LY9: variants seen among roughly 807,000 people sequenced by gnomAD.
LY9 encodes the protein lymphocyte antigen 9.
LY9 carries 59 observed loss-of-function variants against 64.6 expected under a neutral mutation model. The ratio of observed to expected loss-of-function variants is 0.91; its 90% CI spans 0.74 to 1.13. The LOEUF (loss-of-function observed/expected upper bound fraction) is 1.13. Among genes scored for constraint, LY9 ranks in the 50% most tolerant of loss-of-function variants. The pLI is 0.00. For missense variants in LY9, 789 were observed against 797.2 expected (o/e 0.99, Z 0.12); for synonymous variants, 281 against 308.5 (o/e 0.91, Z 0.93).
chr1:160,824,674 T>C, intron 9 of LY9: 1 of 981,634 alleles, frequency 1.0e-6, no homozygotes, highest in Non-Finnish European at 1.2e-6. Context: ...ACATTAGTTT[T>C]ATTCTAGTGT....
chr1:160,797,266 G>A, intron 1 of LY9: 3 of 985,588 alleles, frequency 3.0e-6, no homozygotes, highest in Non-Finnish European at 3.6e-6. Context: ...CTTCAGGGAT[G>A]ATGGTGCAGG....
intron 9 of LY9, chr1:160,824,551 T>C: frequency 1.0e-6 from 1 of 985,100 alleles, no homozygotes; most frequent in Non-Finnish European, 1.2e-6. Flanking sequence ...GCTTTTTAAA[T>C]CTATCTCTAA....
intron 1 of LY9, 118 bp downstream of exon 1, chr1:160,796,429 T>C: frequency 7.9e-7 from 1 of 1,265,686 alleles, no homozygotes; most frequent in Non-Finnish European, 1.1e-6. Flanking sequence ...AGTCTCACTC[T>C]GTTGCCAGGC....
intron 3 of LY9, 21 bp from the exon 4 acceptor site, chr1:160,814,399 A>T (rs757512624): frequency 1.3e-6 from 2 of 1,563,300 alleles, no homozygotes; most frequent in Admixed American, 3.5e-5. Context: ...TGAAGCTGCA[A>T]TGTCTCATCT....
intron 2 of LY9, chr1:160,802,586 C>A (rs1415411858): frequency 2.0e-6 from 2 of 985,460 alleles, no homozygotes; most frequent in Non-Finnish European, 2.4e-6. Context: ...TTTAAATTTA[C>A]TGTAGCTGCC....
intron 2 of LY9, among the ~76,000 whole-genome samples, chr1:160,808,989 T>A (rs1667229619): frequency 1.3e-5 from 2 of 152,150 alleles, no homozygotes; most frequent in South Asian, 2.1e-4. Flanking sequence ...TCGCCATAAT[T>A]CATGTAACGG....
chr1:160,822,099 G>A (rs911109952), intron 7 of LY9, among the ~76,000 whole-genome samples: 2 of 152,162 alleles, frequency 1.3e-5, no homozygotes, highest in African/African-American at 4.8e-5. Context: ...GGGCTATGTT[G>A]TCTGAGATAT....
intron 2 of LY9, among the ~76,000 whole-genome samples, chr1:160,805,913 C>G (rs1005139778): frequency 1.4e-5 from 1 of 73,896 alleles, no homozygotes; most frequent in Admixed American, 1.2e-4. Context: ...TAATGGCATT[C>G]TTTGTCTTTT....
intron 1 of LY9, among the ~76,000 whole-genome samples, chr1:160,796,598 G>A (rs1303376752): frequency 6.6e-6 from 1 of 152,004 alleles, no homozygotes; most frequent in East Asian, 1.9e-4. Flanking sequence ...TCACTATGTT[G>A]GCCACGGTGG....
At chr1:160,826,762 T>C (rs1240439147) in intron 9 of LY9, among the ~76,000 whole-genome samples, 1 of 152,236 alleles carries the variant, frequency 6.6e-6, no homozygotes, top group Non-Finnish European at 1.5e-5. Flanking sequence ...CATCTCATCC[T>C]GACTTCTAGA....
intron 2 of LY9, 39 bp downstream of exon 2, chr1:160,800,121 T>C (rs2101737411): frequency 6.5e-7 from 1 of 1,531,074 alleles, no homozygotes; most frequent in African/African-American, 1.4e-5. Context: ...ATCTTTTCTT[T>C]TTTTTATTTG....
At position 160,817,637 on chromosome 1, in the gene LY9, C is replaced by T. The variant is rs79880726; in HGVS notation, c.1343-581C>T. Among the ~76,000 whole-genome samples the T allele has an allele frequency of 1.3e-3, 196 of 152,330 alleles. 1 individual carries two copies. Among genetic ancestry groups the T allele is most frequent in the African/African-American group, 4.5e-3 (189 of 41,568 alleles). The stretch of plus-strand genomic sequence containing the variant: ...AGGCATTTTTGCACAATCTTCGCAA[C>T]AATCCTACAGAGTAGATATTCTCGT... On this transcript the variant is annotated intron_variant, in intron 5 of 9. Coordinates refer to ENST00000263285, the MANE Select transcript of LY9 (RefSeq NM_002348.4).
intron 5 of LY9, 75 bp downstream of exon 5, chr1:160,816,938 T>C: frequency 6.8e-7 from 1 of 1,479,708 alleles, no homozygotes; most frequent in Non-Finnish European, 9.3e-7. Flanking sequence ...ACTGATTCTT[T>C]ATGAAGTGCA....
chr1:160,807,099 A>G (rs995634071), intron 2 of LY9, among the ~76,000 whole-genome samples: 4 of 152,104 alleles, frequency 2.6e-5, no homozygotes, highest in African/African-American at 7.2e-5. Context: ...TTAAATATCT[A>G]TCTCTTTGGT....
Position 160,796,290 on chromosome 1 carries a change from T to A in LY9, c.103T>A (p.Ser35Thr). 3.1e-6 allele frequency: 5 copies of A among 1,613,326 alleles called. No individual in the cohort carries two copies. The highest frequency in any genetic ancestry group is 3.4e-6 in the Non-Finnish European group (4 of 1,179,894). The stretch of plus-strand genomic sequence containing the variant: ...AATATTCTCTTCTGTTCTACAGACC[T>A]CTCTCCTCTTCCTGCTCATGGGTAA... ...LQIFSSVLQTSLLFLLMGLRA... is the reference protein window; with the variant it reads ...LQIFSSVLQTTLLFLLMGLRA... Residue 35 changes from serine to threonine, a missense_variant, in exon 1 of 10, where the codon TCT (serine) becomes ACT (threonine). Ser to Thr is a moderately conservative substitution (Grantham distance 58). Coordinates refer to ENST00000263285, the MANE Select transcript of LY9 (RefSeq NM_002348.4).
intron 1 of LY9, 51 bp from the exon 2 acceptor site, chr1:160,799,702 C>A: frequency 8.8e-7 from 1 of 1,140,986 alleles, no homozygotes; most frequent in Non-Finnish European, 1.3e-6. Flanking sequence ...AGAAAGAAGG[C>A]TAGCTCAAGG....
intron 2 of LY9, chr1:160,812,017 TG>T (rs1667514050): frequency 1.3e-5 from 2 of 152,270 alleles, no homozygotes; most frequent in Non-Finnish European, 2.9e-5. Flanking sequence ...TCAAAATCTG[TG>T]TTAGTTTTCT....
At chr1:160,816,484 G>T in intron 4 of LY9, 110 bp from the exon 5 acceptor site, 1 of 1,284,516 alleles carries the variant, frequency 7.8e-7, no homozygotes, top group South Asian at 1.5e-5. Context: ...GAGGCACTTT[G>T]CCGGCAGTAT....
intron 2 of LY9, among the ~76,000 whole-genome samples, chr1:160,807,138 T>C: frequency 6.6e-6 from 1 of 152,236 alleles, no homozygotes; most frequent in East Asian, 1.9e-4. Flanking sequence ...CAAAATTGTT[T>C]TTCTGATTTC....
Sources: allele counts gnomAD v4.1 joint callset (sites outside exome capture counted in the v4.1 genomes callset), GRCh38; gene constraint gnomAD v4.1.1; transcripts MANE v1.5; gene names NCBI Gene and HGNC (gene_info 2026-07-23, HGNC 2026-07-21).